Variants in VPS13A observed in about 807,000 individuals in gnomAD.
VPS13A encodes vacuolar protein sorting 13 homolog A, also known as intermembrane lipid transfer protein VPS13A.
Under a neutral mutation model 390.9 loss-of-function variants are expected in VPS13A, and 264 were observed. The observed-to-expected ratio is 0.68, with a 90% CI of 0.61 to 0.75. VPS13A has a LOEUF of 0.75. Among genes scored for constraint, VPS13A ranks in the 30% least tolerant of loss-of-function variants. The pLI, the probability that VPS13A is intolerant of heterozygous loss-of-function variation, is 0.00. For synonymous variants in VPS13A, 1,231 were observed against 1,227.1 expected (o/e 1.00, Z -0.07); for missense variants, 3,409 against 3,733.9 (o/e 0.91, Z 2.27).
intron 45 of VPS13A, 33 bp downstream of exon 45, chr9:77,323,260 T>C: frequency 6.2e-7 from 1 of 1,609,452 alleles, no homozygotes; most frequent in Non-Finnish European, 8.5e-7. Context: ...GGATGTCCTG[T>C]TATGCATATC....
intron 1 of VPS13A, among the ~76,000 whole-genome samples, chr9:77,197,865 T>G (rs1276653243): frequency 6.6e-6 from 1 of 152,234 alleles, no homozygotes; most frequent in Non-Finnish European, 1.5e-5. Context: ...AATCTGTGGT[T>G]GTTTGGCATC....
At chr9:77,389,696 C>T (rs1159610005) in intron 68 of VPS13A, 1 of 152,090 alleles carries the variant, frequency 6.6e-6, no homozygotes, top group African/African-American at 2.4e-5. Context: ...CATTTCTTCC[C>T]TTTAAGTAAA....
chr9:77,408,467 C>T (rs959919488), intron 71 of VPS13A, among the ~76,000 whole-genome samples: 1 of 152,252 alleles, frequency 6.6e-6, no homozygotes, highest in African/African-American at 2.4e-5. Flanking sequence ...TGCAGCGCAC[C>T]GAGCGTGAGC....
intron 68 of VPS13A, among the ~76,000 whole-genome samples, chr9:77,386,746 C>T (rs1349001124): frequency 5.6e-5 from 8 of 142,026 alleles, no homozygotes; most frequent in African/African-American, 1.6e-4. Context: ...CTCGTTCTGT[C>T]GCCCAGGCTG....
intron 20 of VPS13A, among the ~76,000 whole-genome samples, chr9:77,248,759 TCTCA>T (rs1423877760): frequency 6.6e-6 from 1 of 152,176 alleles, no homozygotes; most frequent in African/African-American, 2.4e-5. Context: ...TGAGACATAG[TCTCA>T]CTCTATTGTC....
chr9:77,277,720 C>T (rs1430080934), intron 26 of VPS13A, among the ~76,000 whole-genome samples: 1 of 151,936 alleles, frequency 6.6e-6, no homozygotes, highest in African/African-American at 2.4e-5. Flanking sequence ...GCTGAAGTTA[C>T]CTCCATGTCT....
At chr9:77,272,470 A>T (rs1274971901) in intron 23 of VPS13A, among the ~76,000 whole-genome samples, 2 of 152,240 alleles carry the variant, frequency 1.3e-5, no homozygotes, top group African/African-American at 4.8e-5. Context: ...ATAGTGGACA[A>T]ATAAGTAGTG....
rs114073330 is a variant in VPS13A, at chr9:77,305,233, T to C, written c.3960+2171T>C. On this transcript the variant is annotated intron_variant, in intron 34 of 71. Coordinates refer to ENST00000360280, the MANE Select transcript of VPS13A (RefSeq NM_033305.3). ...GATTACAGGCGTGAGCCATCACGCC[T>C]GGCCGAGATTTCAGACTTTTAAGTC... 5.9e-3 allele frequency among the ~76,000 whole-genome samples: 891 copies of C among 152,270 alleles called. 8 individuals are homozygous for C. Among genetic ancestry groups the C allele is most frequent in the Middle Eastern group, 0.02 (6 of 294 alleles).
Position 77,319,652 on chromosome 9 carries a change from A to G in VPS13A, c.5394A>G (p.Arg1798=), listed in dbSNP as rs1469118755. Residue 1798 remains arginine (R), a synonymous_variant, in exon 42 of 72, where the codon AGA becomes AGG. Transcript: ENST00000360280. The part of the protein sequence containing the change: ...PLEIDQTEDF[R]PWNLGIKMKK... ...AAATTGATCAGACTGAGGATTTTAG[A>G]CCATGGAATCTTGGTATCAAGGTAT... The G allele has an allele frequency of 4.4e-6, 7 of 1,605,686 alleles. No individual in the cohort carries two copies. Among genetic ancestry groups the G allele is most frequent in the Middle Eastern group, 1.7e-4 (1 of 5,888 alleles).
chr9:77,219,210 C>A (rs1197292118), intron 10 of VPS13A, among the ~76,000 whole-genome samples: 4 of 151,592 alleles, frequency 2.6e-5, no homozygotes, highest in African/African-American at 9.7e-5. Flanking sequence ...AGAACAAGAT[C>A]TTTAAGCATT....
chr9:77,203,445 G>A (rs757531717), intron 3 of VPS13A, among the ~76,000 whole-genome samples: 15 of 152,064 alleles, frequency 9.9e-5, no homozygotes, highest in Non-Finnish European at 2.1e-4. Flanking sequence ...ACGCCGCCAT[G>A]CCTGGCTAAT....
At position 77,238,090 on chromosome 9, in the gene VPS13A, A is replaced by G. The variant is rs1244960680; in HGVS notation, c.1684A>G (p.Met562Val). The G allele has an allele frequency of 1.2e-6, 2 of 1,613,624 alleles. No individual in the cohort carries two copies. The highest frequency in any genetic ancestry group is 1.1e-5 in the South Asian group (1 of 91,056). The change falls in exon 18 of 72, where the codon ATG becomes GTG. Residue 562 changes from methionine (M) to valine (V), a missense_variant. Around this residue, in one of 5 missense-constraint regions of VPS13A, gnomAD observed 2,717 missense variants for 2,917.4 expected, o/e 0.93. Transcript: ENST00000360280. The stretch of plus-strand genomic sequence containing the variant: ...CCTCCTGTCTTCATTGGATGATGCA[A>G]TGTCACTTTTCCAAATTACATTTGA... ...PRLLSSLDDAMSLFQITFEIN... is the reference protein window; with the variant it reads ...PRLLSSLDDAVSLFQITFEIN...
chr9:77,407,671 AT>A (rs1563997877), intron 71 of VPS13A, 64 bp downstream of exon 71: 1 of 1,225,660 alleles, frequency 8.2e-7, no homozygotes, highest in Non-Finnish European at 1.2e-6. Context: ...TAAGTGGACT[AT>A]TTTTTAATGC....
chr9:77,362,493 C>T (rs1429939009), intron 59 of VPS13A, among the ~76,000 whole-genome samples: 2 of 152,234 alleles, frequency 1.3e-5, no homozygotes, highest in Admixed American at 1.3e-4. Context: ...TGCCCTTGTG[C>T]ATTGCACACT....
chr9:77,201,332 A>G, intron 2 of VPS13A, 33 bp from the exon 3 acceptor site: 4 of 1,445,330 alleles, frequency 2.8e-6, no homozygotes, highest in Non-Finnish European at 2.9e-6. Flanking sequence ...TATATCTACT[A>G]ATGTTTTGTG....
At chr9:77,238,615 A>C (rs546975550) in intron 19 of VPS13A, among the ~76,000 whole-genome samples, 45 of 152,336 alleles carry the variant, frequency 3.0e-4, no homozygotes, top group African/African-American at 1.0e-3. Flanking sequence ...AGTTAGTTGC[A>C]AAATTTTGCT....
At chr9:77,351,480 C>T in intron 53 of VPS13A, 34 bp downstream of exon 53, 1 of 1,608,556 alleles carries the variant, frequency 6.2e-7, no homozygotes, top group Non-Finnish European at 8.5e-7. Flanking sequence ...TTCCCAGCAG[C>T]CTTTTTTAAA....
At position 77,375,697 on chromosome 9, in the gene VPS13A, TGATA is replaced by T. The variant is rs374032028; in HGVS notation, c.9077+4552_9077+4555del. 5.8e-3 allele frequency among the ~76,000 whole-genome samples: 878 copies of T among 152,306 alleles called. 11 individuals carry two copies. Among genetic ancestry groups the T allele is most frequent in the African/African-American group, 0.02 (844 of 41,564 alleles). ...AGAACTTAATATTTTTCTCAATAAT[TGATA>T]GATCAGGAAGACAAAATAAAAGTAA... is the stretch of plus-strand genomic sequence containing the variant. On this transcript the variant is annotated intron_variant, in intron 67 of 71. Transcript: ENST00000360280.
chr9:77,415,768 C>G (rs1835145921), intron 71 of VPS13A, among the ~76,000 whole-genome samples, 188 bp from the exon 72 acceptor site: 1 of 152,174 alleles, frequency 6.6e-6, no homozygotes, highest in Admixed American at 6.6e-5. Flanking sequence ...AAACCAAGTA[C>G]TATTGTCCCT....
Sources: allele counts gnomAD v4.1 joint callset (sites outside exome capture counted in the v4.1 genomes callset), GRCh38; gene constraint gnomAD v4.1.1; regional missense constraint gnomAD v4.1.1; transcripts MANE v1.5; gene names NCBI Gene and HGNC (gene_info 2026-07-23, HGNC 2026-07-21).